The following RIMS1 variants were observed in gnomAD, a reference collection of about 807,000 sequenced individuals.
The protein encoded by RIMS1 is regulating synaptic membrane exocytosis protein 1.
Under a neutral mutation model 214.1 loss-of-function variants are expected in RIMS1, and 83 were observed. The observed-to-expected ratio is 0.39, with a 90% confidence interval of 0.32 to 0.47. The LOEUF (loss-of-function observed/expected upper bound fraction) is 0.47, where lower values mean the gene tolerates loss of function less well. Ranked by LOEUF, RIMS1 falls within the 20% of genes least tolerant of loss-of-function variation. The pLI is 0.99. For synonymous variants in RIMS1, 793 were observed against 786.8 expected (o/e 1.01, Z -0.13); for missense variants, 2,050 against 2,161.8 (o/e 0.95, Z 1.03).
intron 1 of RIMS1, among the ~76,000 whole-genome samples, chr6:71,948,628 A>G (rs1199443509): frequency 1.3e-5 from 2 of 152,230 alleles, no homozygotes; most frequent in Non-Finnish European, 2.9e-5. Context: ...TGCTCTTAAC[A>G]AAGTGATTGG....
At chr6:72,107,802 CATATT>C (rs1195207592) in intron 4 of RIMS1, among the ~76,000 whole-genome samples, 14 of 152,106 alleles carry the variant, frequency 9.2e-5, no homozygotes, top group East Asian at 1.9e-4. Flanking sequence ...TCAATTCTGA[CATATT>C]ATATGTGTAT....
At chr6:72,391,051 A>G (rs978018259) in intron 30 of RIMS1, among the ~76,000 whole-genome samples, 2 of 152,202 alleles carry the variant, frequency 1.3e-5, no homozygotes, top group Non-Finnish European at 2.9e-5. Context: ...GGACTCTTTC[A>G]TATGGGAAAC....
intron 4 of RIMS1, among the ~76,000 whole-genome samples, chr6:72,137,754 T>TTG (rs2041517265): frequency 6.7e-6 from 1 of 148,176 alleles, no homozygotes; most frequent in Non-Finnish European, 1.5e-5. Context: ...TTTTTTTTTT[T>TTG]GAGATGGAGT....
At chr6:72,183,230 C>T (rs2048597420) in intron 6 of RIMS1, 81 bp downstream of exon 6, 2 of 1,427,768 alleles carry the variant, frequency 1.4e-6, no homozygotes, top group Non-Finnish European at 1.9e-6. Context: ...AGGCTAGTTG[C>T]TGGGTTCAGC....
chr6:72,097,760 T>G (rs997210550), intron 3 of RIMS1, among the ~76,000 whole-genome samples: 50 of 152,294 alleles, frequency 3.3e-4, no homozygotes, highest in African/African-American at 1.2e-3. Flanking sequence ...TGTTTCCTTA[T>G]TTGGCTTAAA....
chr6:71,987,985 G>A (rs1237807574), intron 2 of RIMS1, among the ~76,000 whole-genome samples: 1 of 152,086 alleles, frequency 6.6e-6, no homozygotes, highest in East Asian at 1.9e-4. Context: ...GAGTTTCTAA[G>A]GAAAGTAAGA....
At chr6:72,278,476 C>G (rs1193368619) in intron 23 of RIMS1, among the ~76,000 whole-genome samples, 2 of 152,050 alleles carry the variant, frequency 1.3e-5, no homozygotes, top group African/African-American at 4.8e-5. Context: ...ATGAATTAAT[C>G]TTATTTCTCC....
intron 29 of RIMS1, among the ~76,000 whole-genome samples, chr6:72,376,536 G>A (rs763004012): frequency 7.9e-5 from 12 of 152,116 alleles, no homozygotes; most frequent in Admixed American, 2.0e-4. Flanking sequence ...GGCAGATATC[G>A]GGAGCTCAAG....
intron 4 of RIMS1, among the ~76,000 whole-genome samples, chr6:72,128,073 G>T (rs1296540007): frequency 6.6e-6 from 1 of 152,150 alleles, no homozygotes; most frequent in African/African-American, 2.4e-5. Context: ...ATGACAAGAG[G>T]TTATTTGGCA....
At chr6:72,190,933 T>C (rs565596717) in intron 6 of RIMS1, among the ~76,000 whole-genome samples, 45 of 152,294 alleles carry the variant, frequency 3.0e-4, no homozygotes, top group Non-Finnish European at 1.5e-5. Flanking sequence ...AGAAGGAGCG[T>C]AGTTATCTGC....
Position 72,182,710 on chromosome 6 carries a change from G to A in RIMS1, c.1239G>A (p.Ala413=). ...ALPEGKAGKR[A]PAAARASPPD... is the part of the protein sequence containing the mutation. ...CGGAGGGCAAGGCCGGCAAACGCGC[G>A]CCGGCGGCAGCCAGGGCCTCGCCGC... is the stretch of plus-strand genomic sequence containing the variant. The change falls in exon 6 of 34, where the codon GCG becomes GCA. Residue 413 remains alanine (A), a synonymous_variant. Transcript: ENST00000521978. 6.6e-7 allele frequency: 1 copy of A among 1,512,286 alleles called. No individual in the cohort carries two copies. The highest frequency in any genetic ancestry group is 8.8e-7 in the Non-Finnish European group (1 of 1,135,666). 93.7% of individuals were successfully genotyped at this position (1,512,286 alleles called of 1,614,324 possible).
At chr6:72,091,097 A>T (rs9342923) in intron 2 of RIMS1, among the ~76,000 whole-genome samples, 1 of 151,994 alleles carries the variant, frequency 6.6e-6, no homozygotes. Context: ...CCCTTCCACC[A>T]TTGTACACAC....
intron 1 of RIMS1, among the ~76,000 whole-genome samples, chr6:71,953,989 A>C (rs1790429294): frequency 6.6e-6 from 1 of 152,184 alleles, no homozygotes; most frequent in South Asian, 2.1e-4. Context: ...ATAGTGATGG[A>C]CAACTTCCAC....
intron 6 of RIMS1, among the ~76,000 whole-genome samples, chr6:72,218,595 C>A (rs1589380657): frequency 6.6e-6 from 1 of 152,202 alleles, no homozygotes; most frequent in South Asian, 2.1e-4. Flanking sequence ...GTAAATTGAA[C>A]AATGTGCTTA....
intron 23 of RIMS1, among the ~76,000 whole-genome samples, chr6:72,283,199 T>C (rs180979808): frequency 4.6e-5 from 7 of 151,720 alleles, no homozygotes; most frequent in South Asian, 4.2e-4. Context: ...GTTTCTCTCT[T>C]TTTTTTTGTA....
At chr6:72,102,697 C>T (rs1053741602) in intron 4 of RIMS1, among the ~76,000 whole-genome samples, 1 of 151,930 alleles carries the variant, frequency 6.6e-6, no homozygotes, top group Non-Finnish European at 1.5e-5. Context: ...AAGGTGTTGT[C>T]TGTGGGATGG....
At chr6:71,941,397 C>G (rs143126248) in intron 1 of RIMS1, among the ~76,000 whole-genome samples, 1 of 152,150 alleles carries the variant, frequency 6.6e-6, no homozygotes, top group African/African-American at 2.4e-5. Context: ...TTATCACCTG[C>G]CTTTTTACAT....
intron 23 of RIMS1, among the ~76,000 whole-genome samples, chr6:72,282,180 G>A (rs1229564980): frequency 1.3e-5 from 2 of 152,090 alleles, no homozygotes; most frequent in Non-Finnish European, 2.9e-5. Flanking sequence ...GCACTGTGGG[G>A]ACCAAGCATA....
chr6:72,237,250 A>AAGGG (rs1562915122), intron 8 of RIMS1, among the ~76,000 whole-genome samples: 4 of 151,126 alleles, frequency 2.6e-5, no homozygotes, highest in African/African-American at 4.9e-5. Context: ...GGAAGGAAGG[A>AAGGG]AGGGAGGGAG....
Sources: allele counts gnomAD v4.1 joint callset (sites outside exome capture counted in the v4.1 genomes callset), GRCh38; gene constraint gnomAD v4.1.1; transcripts MANE v1.5; gene names NCBI Gene and HGNC (gene_info 2026-07-23, HGNC 2026-07-21).